STX17: variants seen among roughly 807,000 people sequenced by gnomAD.
STX17 encodes the protein syntaxin 17.
A neutral mutation model predicts 35.9 loss-of-function variants in STX17; 29 were observed. That is an observed-to-expected ratio of 0.81 (90% CI 0.60 to 1.10). STX17 has a LOEUF of 1.10. Ranked by LOEUF, STX17 falls within the 50% of genes least tolerant of loss-of-function variation. The pLI is 0.00. For missense variants in STX17, 312 were observed against 352.3 expected, an observed-to-expected ratio of 0.89 and a Z score of 0.92; for synonymous variants, 92 against 118.3, an observed-to-expected ratio of 0.78 and a Z score of 1.44.
At chr9:99,921,792 G>C (rs1415102959) in intron 2 of STX17, among the ~76,000 whole-genome samples, 1 of 151,876 alleles carries the variant, frequency 6.6e-6, no homozygotes, top group African/African-American at 2.4e-5. Context: ...CATTTGCAAG[G>C]TCTTTTGGTT....
intron 4 of STX17, among the ~76,000 whole-genome samples, chr9:99,956,408 G>A (rs923173213): frequency 6.6e-6 from 1 of 151,984 alleles, no homozygotes; most frequent in African/African-American, 2.4e-5. Flanking sequence ...TGGTTATAAA[G>A]TTCTCCTTTA....
At chr9:99,916,564 AC>A (rs1828780521) in intron 2 of STX17, among the ~76,000 whole-genome samples, 1 of 152,064 alleles carries the variant, frequency 6.6e-6, no homozygotes, top group South Asian at 2.1e-4. Context: ...AGAAAAGTGT[AC>A]CTTTTTCTTC....
chr9:99,961,046 C>G (rs1409555147), intron 6 of STX17, among the ~76,000 whole-genome samples: 1 of 152,082 alleles, frequency 6.6e-6, no homozygotes, highest in Non-Finnish European at 1.5e-5. Context: ...TGGCCTGTTC[C>G]AGATTGACAA....
intron 2 of STX17, among the ~76,000 whole-genome samples, chr9:99,918,294 T>C (rs1351650207): frequency 6.6e-6 from 1 of 152,084 alleles, no homozygotes; most frequent in Non-Finnish European, 1.5e-5. Flanking sequence ...CATGTTCAGC[T>C]AATTTTTAAA....
chr9:99,918,976 G>T (rs753405216), intron 2 of STX17, among the ~76,000 whole-genome samples: 1 of 152,216 alleles, frequency 6.6e-6, no homozygotes, highest in Non-Finnish European at 1.5e-5. Context: ...AGGTGAACAG[G>T]CTCACCACCA....
At chr9:99,948,504 T>C (rs780581550) in intron 3 of STX17, among the ~76,000 whole-genome samples, 2 of 152,138 alleles carry the variant, frequency 1.3e-5, no homozygotes, top group Non-Finnish European at 2.9e-5. Context: ...CTGGATTTGA[T>C]TCTTGCCTAT....
intron 2 of STX17, among the ~76,000 whole-genome samples, chr9:99,926,254 CTG>C (rs1319110918): frequency 1.3e-5 from 2 of 151,918 alleles, no homozygotes; most frequent in African/African-American, 2.4e-5. Flanking sequence ...ATCATAATAA[CTG>C]TTTTTAATAT....
rs1443755569 is a variant in STX17, at chr9:99,969,440, G to A, written c.*767G>A. The A allele has an allele frequency of 6.6e-6, 1 of 152,072 alleles. No individual in the cohort carries two copies. 9.4% of individuals were successfully genotyped at this position (152,072 alleles called of 1,614,324 possible). On this transcript the variant is annotated 3_prime_UTR_variant, in exon 8 of 8. Coordinates refer to ENST00000259400, the MANE Select transcript of STX17 (RefSeq NM_017919.3). ...CCTTGTAATTATGAAAAGTTCTTTG[G>A]TTTCTGGGGTGAATTCTACCCATGT... is the stretch of plus-strand genomic sequence containing the variant.
intron 1 of STX17, among the ~76,000 whole-genome samples, chr9:99,913,510 G>C (rs1022606314): frequency 1.3e-5 from 2 of 151,768 alleles, no homozygotes; most frequent in African/African-American, 4.8e-5. Flanking sequence ...GCCTCTTACT[G>C]TTTCATAATA....
intron 2 of STX17, among the ~76,000 whole-genome samples, chr9:99,923,736 C>G (rs2118348429): frequency 6.6e-6 from 1 of 152,338 alleles, no homozygotes; most frequent in South Asian, 2.1e-4. Flanking sequence ...AACTTCTAAA[C>G]AACCAGCTTC....
chr9:99,934,448 T>G (rs1239107129), intron 3 of STX17, among the ~76,000 whole-genome samples: 1 of 152,224 alleles, frequency 6.6e-6, no homozygotes, highest in African/African-American at 2.4e-5. Context: ...TAATACTTGT[T>G]AAGCTATATA....
intron 3 of STX17, among the ~76,000 whole-genome samples, chr9:99,938,385 A>G (rs1478232968): frequency 1.3e-5 from 2 of 152,250 alleles, no homozygotes; most frequent in African/African-American, 4.8e-5. Context: ...ATAAGAAAAC[A>G]TTAGGATTAA....
intron 2 of STX17, among the ~76,000 whole-genome samples, chr9:99,923,216 G>A (rs1187684737): frequency 6.6e-6 from 1 of 151,968 alleles, no homozygotes; most frequent in Non-Finnish European, 1.5e-5. Context: ...ATGTACAAAT[G>A]ATTTCACCAG....
At chr9:99,938,636 A>T (rs1207081051) in intron 3 of STX17, among the ~76,000 whole-genome samples, 1 of 152,010 alleles carries the variant, frequency 6.6e-6, no homozygotes. Context: ...AATACCAAAA[A>T]ATTAGCCAGG....
chr9:99,938,015 C>CTTT (rs1829272617), intron 3 of STX17: 1 of 152,278 alleles, frequency 6.6e-6, no homozygotes, highest in African/African-American at 2.4e-5. Context: ...CTACTCAATG[C>CTTT]CCTGTGAATT....
At chr9:99,952,335 A>G (rs1048415086) in intron 4 of STX17, among the ~76,000 whole-genome samples, 1 of 152,202 alleles carries the variant, frequency 6.6e-6, no homozygotes, top group African/African-American at 2.4e-5. Flanking sequence ...GTGAGATACC[A>G]TCTCACACCA....
At chr9:99,950,755 G>A (rs955482054) in intron 3 of STX17, among the ~76,000 whole-genome samples, 1 of 151,892 alleles carries the variant, frequency 6.6e-6, no homozygotes, top group African/African-American at 2.4e-5. Flanking sequence ...TAGGTGAAGT[G>A]AGAATATCAT....
chr9:99,907,710 TAC>T (rs1355334579), intron 1 of STX17, among the ~76,000 whole-genome samples: 2 of 152,228 alleles, frequency 1.3e-5, no homozygotes, highest in African/African-American at 2.4e-5. Flanking sequence ...TCAAAAGTAA[TAC>T]AGAGTTCCCT....
rs73503622 is a variant in STX17, at chr9:99,971,249, T to G, written c.*2576T>G. On this transcript the variant is annotated 3_prime_UTR_variant, in exon 8 of 8. Transcript: ENST00000259400. ...ACACTTTGATTAATGTCTTAAAATT[T>G]GTGGGCCCTCATTTGGATAAAGGCA... 0.019 allele frequency among the ~76,000 whole-genome samples: 2,957 copies of G among 152,056 alleles called. 102 individuals are homozygous for G. Among genetic ancestry groups the G allele is most frequent in the African/African-American group, 0.067 (2,798 of 41,456 alleles).
Sources: allele counts gnomAD v4.1 joint callset (sites outside exome capture counted in the v4.1 genomes callset), GRCh38; gene constraint gnomAD v4.1.1; transcripts MANE v1.5; gene names NCBI Gene and HGNC (gene_info 2026-07-23, HGNC 2026-07-21).